The following TMEM169 variants were observed in gnomAD, a reference collection of about 807,000 sequenced individuals.
TMEM169 encodes transmembrane protein 169.
TMEM169 carries 18 observed loss-of-function variants against 27.3 expected under a neutral mutation model. The observed-to-expected ratio is 0.66, with a 90% CI of 0.46 to 0.98. The LOEUF is 0.98. TMEM169 is among the 50% of genes least tolerant of loss of function. The pLI is 0.00. For synonymous variants in TMEM169, 136 were observed against 142.1 expected (o/e 0.96, Z 0.30); for missense variants, 320 against 368.6 (o/e 0.87, Z 1.08).
chr2:216,101,488 T>G lies in TMEM169; in HGVS notation c.*946T>G, dbSNP rs985550421. On this transcript the variant is annotated 3_prime_UTR_variant, in exon 3 of 3. Coordinates refer to ENST00000437356, the MANE Select transcript of TMEM169 (RefSeq NM_001142311.2). ...TGGGTTTTGTTTTGTTTTGTTTTGT[T>G]TCGCTTTAGAGACGGAGTCTCACTC... 3 of 152,328 alleles carry G rather than the reference T, an allele frequency of 2.0e-5. No individual in the cohort carries two copies. Among genetic ancestry groups the G allele is most frequent in the Non-Finnish European group, 4.4e-5 (3 of 68,138 alleles). 9.4% of individuals were successfully genotyped at this position (152,328 alleles called of 1,614,324 possible).
At chr2:216,089,958 A>G (rs1173108362) in intron 1 of TMEM169, among the ~76,000 whole-genome samples, 1 of 152,210 alleles carries the variant, frequency 6.6e-6, no homozygotes, top group African/African-American at 2.4e-5. Flanking sequence ...CTGACACATA[A>G]GGCTCAATAA....
intron 2 of TMEM169, 130 bp downstream of exon 2, chr2:216,096,364 C>T: frequency 9.0e-7 from 1 of 1,109,696 alleles, no homozygotes; most frequent in African/African-American, 1.6e-5. Context: ...AATATTACCA[C>T]CTTTTATTTA....
At chr2:216,088,662 C>G (rs765121466) in intron 1 of TMEM169, among the ~76,000 whole-genome samples, 7 of 152,138 alleles carry the variant, frequency 4.6e-5, no homozygotes, top group Non-Finnish European at 1.0e-4. Flanking sequence ...ATAGAAAGAC[C>G]CCATCTCTAA....
chr2:216,090,743 G>C (rs966463128), intron 1 of TMEM169, among the ~76,000 whole-genome samples: 1 of 152,170 alleles, frequency 6.6e-6, no homozygotes, highest in Non-Finnish European at 1.5e-5. Flanking sequence ...GCACATAATT[G>C]TGTGAGATAA....
chr2:216,093,331 T>C (rs181312704), intron 1 of TMEM169, among the ~76,000 whole-genome samples: 260 of 152,238 alleles, frequency 1.7e-3, no homozygotes, highest in African/African-American at 5.9e-3. Flanking sequence ...TTGGATTAAT[T>C]GTCCTCTGGA....
In TMEM169 at chr2:216,102,386, C is replaced by T. The variant is rs1696414757; in HGVS notation, c.*1844C>T. On this transcript the variant is annotated 3_prime_UTR_variant, in exon 3 of 3. Coordinates refer to ENST00000437356, the MANE Select transcript of TMEM169 (RefSeq NM_001142311.2). ...ACTCTGAACTTAAAAAAAAAAATCACTCCTAAGGGTGTCCTTCTAATTTCA... is the reference window on the plus strand; with the variant it reads ...ACTCTGAACTTAAAAAAAAAAATCATTCCTAAGGGTGTCCTTCTAATTTCA... 6.6e-6 allele frequency: 1 copy of T among 152,228 alleles called. No homozygotes were observed. Among genetic ancestry groups the T allele is most frequent in the Non-Finnish European group, 1.5e-5 (1 of 68,014 alleles). The allele number at this position is 152,228 out of a possible 1,614,324, so 9.4% of individuals were successfully genotyped here.
At position 216,095,109 on chromosome 2, in the gene TMEM169, C is replaced by CTTTT. The variant is rs71047975; in HGVS notation, c.-126-718_-126-715dup. Reference sequence around the variant, plus strand: ...AGCCACCTATGGTTCTTTTTTCTTTCTTTTTTTTTTTTTTGACAGAGTCTC... The same window carrying CTTTT: ...AGCCACCTATGGTTCTTTTTTCTTTCTTTTTTTTTTTTTTTTTTGACAGAGTCTC... On this transcript the variant is annotated intron_variant, in intron 1 of 2. Coordinates refer to ENST00000437356, the MANE Select transcript of TMEM169 (RefSeq NM_001142311.2). 3.1e-3 allele frequency among the ~76,000 whole-genome samples: 346 copies of CTTTT among 110,472 alleles called. 23 individuals are homozygous for CTTTT. The highest frequency in any genetic ancestry group is 0.013 in the African/African-American group (327 of 24,526). 72.5% of individuals were successfully genotyped at this position (110,472 alleles called of 152,430 possible). A position where few individuals can be genotyped will look rare whatever the true frequency, so the allele number is the denominator to read the frequency against.
At chr2:216,086,315 G>A (rs762616982) in intron 1 of TMEM169, among the ~76,000 whole-genome samples, 31 of 152,038 alleles carry the variant, frequency 2.0e-4, no homozygotes, top group African/African-American at 6.8e-4. Flanking sequence ...CACCTGCCTC[G>A]GCCTCCCTAA....
At chr2:216,094,885 G>A (rs745637391) in intron 1 of TMEM169, among the ~76,000 whole-genome samples, 1 of 152,174 alleles carries the variant, frequency 6.6e-6, no homozygotes, top group Non-Finnish European at 1.5e-5. Flanking sequence ...CTTGCAGCAC[G>A]TGATAGGACA....
At chr2:216,092,084 C>T (rs1696146299) in intron 1 of TMEM169, among the ~76,000 whole-genome samples, 1 of 152,186 alleles carries the variant, frequency 6.6e-6, no homozygotes, top group African/African-American at 2.4e-5. Context: ...TCACCCTTTA[C>T]ATTTCATATT....
In TMEM169 at chr2:216,100,125, T is replaced by C. The variant is rs1302368649; in HGVS notation, c.477T>C (p.His159=). ...AGATGGGAGCTGACCGTGGGCCCCATGTGGTCCTCTGGACGCTGATCTGCC... is the reference window on the plus strand; with the variant it reads ...AGATGGGAGCTGACCGTGGGCCCCACGTGGTCCTCTGGACGCTGATCTGCC... ...ACQMGADRGP[H]VVLWTLICLP... The change falls in exon 3 of 3, where the codon CAT becomes CAC. Residue 159 remains histidine, a synonymous_variant. Transcript: ENST00000437356. 1.9e-6 allele frequency: 3 copies of C among 1,614,038 alleles called. No homozygotes were observed. Among genetic ancestry groups the C allele is most frequent in the Non-Finnish European group, 2.5e-6 (3 of 1,180,036 alleles).
At chr2:216,097,958 A>G (rs1436635627) in intron 2 of TMEM169, among the ~76,000 whole-genome samples, 1 of 152,172 alleles carries the variant, frequency 6.6e-6, no homozygotes, top group Admixed American at 6.5e-5. Context: ...AGGAGGTGGA[A>G]CAGCAAGGGC....
chr2:216,087,162 C>T (rs913845072), intron 1 of TMEM169, among the ~76,000 whole-genome samples: 1 of 115,628 alleles, frequency 8.6e-6, no homozygotes, highest in Non-Finnish European at 1.8e-5. Flanking sequence ...TGAGTAGTCA[C>T]GTTGCAGGAA....
chr2:216,091,116 G>C (rs1696109453), intron 1 of TMEM169, among the ~76,000 whole-genome samples: 1 of 152,180 alleles, frequency 6.6e-6, no homozygotes, highest in African/African-American at 2.4e-5. Flanking sequence ...TGACTGGATG[G>C]GTTAATTTCC....
chr2:216,085,884 CA>C (rs956693378), intron 1 of TMEM169, among the ~76,000 whole-genome samples: 1 of 147,178 alleles, frequency 6.8e-6, no homozygotes, highest in African/African-American at 2.5e-5. Flanking sequence ...AAAAAAAAAA[CA>C]AAAACAAAAA....
intron 1 of TMEM169, among the ~76,000 whole-genome samples, chr2:216,093,589 G>T (rs1168401216): frequency 6.6e-6 from 1 of 152,094 alleles, no homozygotes; most frequent in African/African-American, 2.4e-5. Flanking sequence ...CTGGGTGCCT[G>T]ATTTATTCCA....
rs895386952 is a variant in TMEM169, at chr2:216,101,718, G to C, written c.*1176G>C. 6.6e-6 allele frequency: 1 copy of C among 152,046 alleles called. No individual in the cohort carries two copies. Among genetic ancestry groups the C allele is most frequent in the Non-Finnish European group, 1.5e-5 (1 of 68,000 alleles). The allele number at this position is 152,046 out of a possible 1,614,324, so 9.4% of individuals were successfully genotyped here. On this transcript the variant is annotated 3_prime_UTR_variant, in exon 3 of 3. Coordinates refer to ENST00000437356, the MANE Select transcript of TMEM169 (RefSeq NM_001142311.2). Reference sequence around the variant, plus strand: ...GGCTGGTCTTGAACTCCTGACCTCAGGTGATCCGCCTGCCTCGGCCTCCCA... The same window carrying C: ...GGCTGGTCTTGAACTCCTGACCTCACGTGATCCGCCTGCCTCGGCCTCCCA...
intron 1 of TMEM169, among the ~76,000 whole-genome samples, chr2:216,089,757 ACTT>A (rs1696084802): frequency 6.6e-6 from 1 of 151,994 alleles, no homozygotes; most frequent in Admixed American, 6.6e-5. Context: ...CCTGGCCTTG[ACTT>A]CTTCTAAATC....
At position 216,101,040 on chromosome 2, in the gene TMEM169, A is replaced by G. The variant is rs950739465; in HGVS notation, c.*498A>G. 2 of 177,170 alleles carry G rather than the reference A, an allele frequency of 1.1e-5. No homozygotes were observed. Among genetic ancestry groups the G allele is most frequent in the Non-Finnish European group, 2.4e-5 (2 of 82,432 alleles). The allele number at this position is 177,170 out of a possible 1,614,324, so 11.0% of individuals were successfully genotyped here. On this transcript the variant is annotated 3_prime_UTR_variant, in exon 3 of 3. Coordinates refer to ENST00000437356, the MANE Select transcript of TMEM169 (RefSeq NM_001142311.2). ...AGCTGCATAGAATTAAAACCCTAAA[A>G]TATCAGTGGCTTAAACAAGATAGAA...
Sources: gnomAD v4.1 joint callset for allele counts (sites outside exome capture counted in the v4.1 genomes callset) on GRCh38, gnomAD v4.1.1 for gene constraint, MANE v1.5 for transcripts, NCBI Gene and HGNC (gene_info 2026-07-23, HGNC 2026-07-21) for gene names.